The following TNS1 variants were observed in gnomAD, a reference collection of about 807,000 sequenced individuals.
The protein encoded by TNS1 is tensin-1.
A neutral mutation model predicts 168.6 loss-of-function variants in TNS1; 62 were observed. That is an observed-to-expected ratio of 0.37 (90% CI 0.30 to 0.45). The LOEUF (loss-of-function observed/expected upper bound fraction) is 0.45. TNS1 is among the 20% of genes least tolerant of loss of function. TNS1 has a pLI of 1.00. For missense variants in TNS1, 2,240 were observed against 2,339.4 expected, an observed-to-expected ratio of 0.96 and a Z score of 0.88; for synonymous variants, 934 against 933.2, an observed-to-expected ratio of 1.00 and a Z score of -0.02.
intron 8 of TNS1, among the ~76,000 whole-genome samples, chr2:217,896,083 TCAA>T (rs1455288625): frequency 6.6e-6 from 1 of 152,250 alleles, no homozygotes; most frequent in Non-Finnish European, 1.5e-5. Context: ...CTTAATTCTC[TCAA>T]CAACAATAAG....
At chr2:217,874,763 A>T (rs1482568234) in intron 18 of TNS1, among the ~76,000 whole-genome samples, 1 of 152,242 alleles carries the variant, frequency 6.6e-6, no homozygotes, top group East Asian at 1.9e-4. Context: ...TTCACATTTC[A>T]TGTATATTAC....
At chr2:217,815,036 A>G (rs1201477877) in intron 24 of TNS1, 38 bp from the exon 25 acceptor site, 1 of 1,544,790 alleles carries the variant, frequency 6.5e-7, no homozygotes, top group Non-Finnish European at 8.9e-7. Flanking sequence ...TATGGGTTAA[A>G]TTGTGTTCAC....
At chr2:218,017,680 C>T (rs922937271) in intron 1 of TNS1, among the ~76,000 whole-genome samples, 1 of 152,226 alleles carries the variant, frequency 6.6e-6, no homozygotes, top group Non-Finnish European at 1.5e-5. Context: ...CTATGCTGAG[C>T]CTGCTTCTTC....
At chr2:218,016,633 CA>C (rs1443055995) in intron 1 of TNS1, among the ~76,000 whole-genome samples, 1 of 152,154 alleles carries the variant, frequency 6.6e-6, no homozygotes, top group African/African-American at 2.4e-5. Flanking sequence ...GGCTGATGGC[CA>C]GGGGGACCCA....
chr2:218,019,178 G>C (rs1958786162), intron 1 of TNS1, among the ~76,000 whole-genome samples: 1 of 152,184 alleles, frequency 6.6e-6, no homozygotes, highest in Non-Finnish European at 1.5e-5. Flanking sequence ...GGGTCCCCTG[G>C]AAGATAAGGG....
chr2:217,849,786 C>G, intron 18 of TNS1: 7 of 985,410 alleles, frequency 7.1e-6, no homozygotes, highest in Non-Finnish European at 8.4e-6. Context: ...CCAGTCGCCC[C>G]GAGGATAGCC....
intron 18 of TNS1, among the ~76,000 whole-genome samples, chr2:217,861,448 TGG>T (rs1948777835): frequency 6.6e-6 from 1 of 152,236 alleles, no homozygotes; most frequent in Non-Finnish European, 1.5e-5. Context: ...ACAGCCCATG[TGG>T]GCGCTCTGAC....
At chr2:218,014,372 G>A (rs1180616433), upstream of TNS1, among the ~76,000 whole-genome samples, 1 of 152,090 alleles carries the variant, frequency 6.6e-6, no homozygotes, top group Non-Finnish European at 1.5e-5. Context: ...ATTCCCAAGG[G>A]GCTGTCCCTC....
chr2:217,867,665 C>T (rs995660736), intron 18 of TNS1, among the ~76,000 whole-genome samples: 8 of 152,248 alleles, frequency 5.3e-5, no homozygotes, highest in African/African-American at 1.9e-4. Context: ...CCAACACAAC[C>T]TCCATTCAGT....
At chr2:217,932,595 G>GTAATCT (rs140981145) in intron 3 of TNS1, among the ~76,000 whole-genome samples, 8,999 of 152,158 alleles carry the variant, frequency 0.059, 585 homozygotes, top group African/African-American at 0.14. Flanking sequence ...CTCAAAGCAC[G>GTAATCT]TAATCTTCAC....
At chr2:217,849,519 A>C (rs1947175681) in intron 18 of TNS1, among the ~76,000 whole-genome samples, 1 of 152,242 alleles carries the variant, frequency 6.6e-6, no homozygotes, top group Admixed American at 6.5e-5. Flanking sequence ...AGTTTAAATG[A>C]GTTGACACAT....
chr2:217,826,807 G>A (rs754640012), intron 22 of TNS1, among the ~76,000 whole-genome samples: 11 of 152,346 alleles, frequency 7.2e-5, no homozygotes, highest in Admixed American at 2.0e-4. Context: ...GGCTGCTGGC[G>A]GTGAAGAGCA....
chr2:217,875,510 G>C (rs750105441), intron 18 of TNS1, among the ~76,000 whole-genome samples: 1 of 152,174 alleles, frequency 6.6e-6, no homozygotes, highest in Non-Finnish European at 1.5e-5. Context: ...TGGAAAAAGA[G>C]TTACCAGAGA....
chr2:217,847,196 T>C (rs950505342), intron 19 of TNS1, among the ~76,000 whole-genome samples: 2 of 152,244 alleles, frequency 1.3e-5, no homozygotes, highest in African/African-American at 4.8e-5. Flanking sequence ...CTCTGGGATC[T>C]TGGTCCCACC....
intron 3 of TNS1, among the ~76,000 whole-genome samples, chr2:217,953,324 G>A (rs1029250092): frequency 6.6e-6 from 1 of 152,208 alleles, no homozygotes; most frequent in African/African-American, 2.4e-5. Context: ...GGACCCCATG[G>A]GTGACTGTTT....
rs761813057 is a variant in TNS1 at position 217,835,134 on chromosome 2, C to G, written c.3237G>C (p.Glu1079Asp). 7 of 1,591,584 alleles carry G rather than the reference C, an allele frequency of 4.4e-6. No homozygotes were observed. Among genetic ancestry groups the G allele is most frequent in the Non-Finnish European group, 6.0e-6 (7 of 1,172,064 alleles). The stretch of plus-strand genomic sequence containing the variant: ...TGCTCGGGGAGGTTCCCTCCATCTC[C>G]TCGAAGGCCTCCTTGTAGCTGTGCA... The part of the protein sequence containing the change: ...PHLHSYKEAF[E>D]EMEGTSPSSP... Residue 1079 changes from glutamate to aspartate, a missense_variant, in exon 21 of 33, where the codon GAG becomes GAC. By Grantham distance (45) the Glu-to-Asp change is conservative. Transcript: ENST00000682258.
At position 217,863,180 on chromosome 2, in the gene TNS1, C is replaced by T. The variant is rs112158689; in HGVS notation, c.1430-14093G>A. Among the ~76,000 whole-genome samples the T allele has an allele frequency of 3.7e-4, 56 of 152,250 alleles. 1 individual carries two copies. The highest frequency in any genetic ancestry group is 1.1e-3 in the African/African-American group (47 of 41,540). ...CTGAGTGCTTTGGTTTCCAAGCAGC[C>T]GGGTCCCAGAACAGAAGGAGGAAAC... is the stretch of plus-strand genomic sequence containing the variant. On this transcript the variant is annotated intron_variant, in intron 18 of 32. Coordinates refer to ENST00000682258, the MANE Select transcript of TNS1 (RefSeq NM_001387777.1).
In TNS1 at chr2:217,948,920, A is replaced by T. The variant is rs969079781; in HGVS notation, c.187-28684T>A. 9.9e-5 allele frequency among the ~76,000 whole-genome samples: 15 copies of T among 152,168 alleles called. No individual in the cohort carries two copies. Among genetic ancestry groups the T allele is most frequent in the Admixed American group, 9.2e-4 (14 of 15,286 alleles). On this transcript the variant is annotated intron_variant, in intron 3 of 32. Coordinates refer to ENST00000682258, the MANE Select transcript of TNS1 (RefSeq NM_001387777.1). This position sits in a 1 kb window ranked among gnomAD's most constrained non-coding sequence, Gnocchi z 4.1. ...GGGAAGGAGAAGTGCTGGGCTTTCC[A>T]CATTCCAGCTTCCTACTCAGATTTG... is the stretch of plus-strand genomic sequence containing the variant.
chr2:217,918,634 T>A (rs1467315767), intron 4 of TNS1, among the ~76,000 whole-genome samples: 2 of 152,234 alleles, frequency 1.3e-5, no homozygotes, highest in African/African-American at 2.4e-5. Context: ...ATCTAGCTTC[T>A]GCCTGGTGGT....
Sources: allele counts gnomAD v4.1 joint callset (sites outside exome capture counted in the v4.1 genomes callset), GRCh38; gene constraint gnomAD v4.1.1; non-coding constraint Gnocchi (gnomAD v3.1); transcripts MANE v1.5; gene names NCBI Gene and HGNC (gene_info 2026-07-23, HGNC 2026-07-21).